Variants in BTBD9 observed in about 807,000 individuals in gnomAD.
BTBD9 encodes BTB/POZ domain-containing protein 9.
In BTBD9, 49 loss-of-function variants were observed where a neutral mutation model predicts 64.3. That is an observed-to-expected ratio of 0.76 (90% CI 0.61 to 0.97). The LOEUF is 0.97. Ranked by LOEUF, BTBD9 falls within the 50% of genes least tolerant of loss-of-function variation. The pLI, the probability that BTBD9 is intolerant of heterozygous loss-of-function variation, is 0.00. For synonymous variants in BTBD9, 260 were observed against 274.7 expected (o/e 0.95, Z 0.53); for missense variants, 598 against 762.1 (o/e 0.78, Z 2.53).
At chr6:38,241,648 G>C (rs1311958178) in intron 9 of BTBD9, among the ~76,000 whole-genome samples, 1 of 152,178 alleles carries the variant, frequency 6.6e-6, no homozygotes, top group Non-Finnish European at 1.5e-5. Flanking sequence ...TTAGAACTTT[G>C]TAAGAAATGT....
intron 9 of BTBD9, among the ~76,000 whole-genome samples, chr6:38,227,624 A>C (rs1582081130): frequency 6.6e-6 from 1 of 152,208 alleles, no homozygotes; most frequent in Admixed American, 6.5e-5. Flanking sequence ...GAGGCCATAA[A>C]GACTCCTGCA....
intron 7 of BTBD9, among the ~76,000 whole-genome samples, chr6:38,331,175 T>C (rs1763661742): frequency 6.6e-6 from 1 of 152,150 alleles, no homozygotes. Flanking sequence ...AATCCACAAA[T>C]TAATAATAAG....
intron 6 of BTBD9, among the ~76,000 whole-genome samples, chr6:38,401,395 T>G (rs1766921904): frequency 6.6e-6 from 1 of 152,206 alleles, no homozygotes; most frequent in Non-Finnish European, 1.5e-5. Context: ...TTATAAATTA[T>G]CCAGTCTCAG....
chr6:38,275,927 G>C (rs1468665279), intron 8 of BTBD9, among the ~76,000 whole-genome samples: 1 of 151,914 alleles, frequency 6.6e-6, no homozygotes, highest in Non-Finnish European at 1.5e-5. Flanking sequence ...AACCATTGTG[G>C]AAGTCAGTGT....
intron 6 of BTBD9, among the ~76,000 whole-genome samples, chr6:38,407,996 G>A (rs2127252784): frequency 6.6e-6 from 1 of 152,288 alleles, no homozygotes; most frequent in East Asian, 1.9e-4. Flanking sequence ...GAATCCCAAT[G>A]AAACAGCTGA....
chr6:38,250,476 A>G (rs1219165391), intron 9 of BTBD9, among the ~76,000 whole-genome samples: 1 of 152,254 alleles, frequency 6.6e-6, no homozygotes, highest in African/African-American at 2.4e-5. Flanking sequence ...GTTTACTGAC[A>G]TATTTCCCTA....
chr6:38,573,002 T>A (rs1450880550), intron 6 of BTBD9, among the ~76,000 whole-genome samples: 1 of 151,840 alleles, frequency 6.6e-6, no homozygotes, highest in Non-Finnish European at 1.5e-5. Context: ...GATAATGTCA[T>A]ATATATATAT....
intron 6 of BTBD9, among the ~76,000 whole-genome samples, chr6:38,474,566 G>C (rs1181344326): frequency 6.9e-6 from 1 of 144,128 alleles, no homozygotes; most frequent in Non-Finnish European, 1.5e-5. Context: ...GAGAAGAGAA[G>C]AGAAAAGAAA....
chr6:38,610,873 A>C (rs1480579702), intron 1 of BTBD9, among the ~76,000 whole-genome samples: 2 of 147,900 alleles, frequency 1.4e-5, no homozygotes, highest in Non-Finnish European at 3.0e-5. Flanking sequence ...GAAATATATA[A>C]GGTTATTAAT....
intron 1 of BTBD9, among the ~76,000 whole-genome samples, chr6:38,633,722 G>C (rs1778435869): frequency 6.6e-6 from 1 of 152,006 alleles, no homozygotes; most frequent in Non-Finnish European, 1.5e-5. Context: ...TATTTATACA[G>C]TACTTATCGT....
chr6:38,549,616 G>A (rs1010734294), intron 6 of BTBD9, among the ~76,000 whole-genome samples: 3 of 152,082 alleles, frequency 2.0e-5, no homozygotes, highest in Admixed American at 1.3e-4. Context: ...GTAATAACAA[G>A]GTTTCTGCAA....
chr6:38,267,915 G>A (rs529900310), intron 8 of BTBD9, among the ~76,000 whole-genome samples: 13 of 152,166 alleles, frequency 8.5e-5, no homozygotes, highest in Admixed American at 6.5e-5. Context: ...ACTCCAGCCT[G>A]GGTGACAGAG....
At chr6:38,613,696 C>T (rs923713715) in intron 1 of BTBD9, among the ~76,000 whole-genome samples, 1 of 151,950 alleles carries the variant, frequency 6.6e-6, no homozygotes, top group African/African-American at 2.4e-5. Context: ...GTATTTCCTG[C>T]ACATTTTGTT....
chr6:38,231,876 T>C (rs945135290), intron 9 of BTBD9, among the ~76,000 whole-genome samples: 6 of 152,174 alleles, frequency 3.9e-5, no homozygotes, highest in African/African-American at 1.4e-4. Flanking sequence ...TAAATTAAAA[T>C]GCATTTCAGA....
At chr6:38,216,287 T>G (rs1276732116) in intron 9 of BTBD9, among the ~76,000 whole-genome samples, 2 of 152,314 alleles carry the variant, frequency 1.3e-5, no homozygotes, top group South Asian at 2.1e-4. Context: ...TTTTATAACC[T>G]TCATGAGAAA....
At chr6:38,352,018 C>A (rs1764535627) in intron 6 of BTBD9, among the ~76,000 whole-genome samples, 1 of 151,944 alleles carries the variant, frequency 6.6e-6, no homozygotes. Context: ...TTTTTGCCTG[C>A]AAATATACCA....
At position 38,387,875 on chromosome 6, in the gene BTBD9, G is replaced by C. The variant is rs532050578; in HGVS notation, c.1155-42782C>G. Among the ~76,000 whole-genome samples the C allele has an allele frequency of 2.6e-5, 4 of 151,856 alleles. No homozygotes were observed. The East Asian group carries it at 7.8e-4, about 30-fold the overall frequency. On this transcript the variant is annotated intron_variant, in intron 6 of 10. Coordinates refer to ENST00000481247, the MANE Select transcript of BTBD9 (RefSeq NM_001099272.2). ...TCAGACATTTGTGGCAAAGAGGCCT[G>C]AAAACCAAGAGAGAAAAATAACGGC...
intron 8 of BTBD9, among the ~76,000 whole-genome samples, chr6:38,263,004 ATGCCACTG>A (rs1430451130): frequency 6.6e-6 from 1 of 152,214 alleles, no homozygotes; most frequent in East Asian, 1.9e-4. Context: ...TGGGACCATA[ATGCCACTG>A]TTGCTAAATT....
chr6:38,267,712 G>A (rs1005843926), intron 8 of BTBD9, among the ~76,000 whole-genome samples: 6 of 152,194 alleles, frequency 3.9e-5, no homozygotes, highest in Admixed American at 6.5e-5. Context: ...GGCCAAGGTG[G>A]GTGGATCACG....
Sources: gnomAD v4.1 joint callset for allele counts (sites outside exome capture counted in the v4.1 genomes callset) on GRCh38, gnomAD v4.1.1 for gene constraint, MANE v1.5 for transcripts, NCBI Gene and HGNC (gene_info 2026-07-23, HGNC 2026-07-21) for gene names.